ANKRD10: variants seen among roughly 807,000 people sequenced by gnomAD.
ANKRD10 encodes ankyrin repeat domain 10, also known as ankyrin repeat domain-containing protein 10.
A neutral mutation model predicts 27.0 loss-of-function variants in ANKRD10; 14 were observed. That is an observed-to-expected ratio of 0.52 (90% CI 0.34 to 0.81). ANKRD10 has a LOEUF of 0.81. ANKRD10 is among the 40% of genes least tolerant of loss of function. The pLI is 0.01. For synonymous variants in ANKRD10, 250 were observed against 224.5 expected (o/e 1.11, Z -1.01); for missense variants, 493 against 544.0 (o/e 0.91, Z 0.93).
At chr13:110,905,747 AAAGTAATGATGCC>A (rs1211511448) in intron 3 of ANKRD10, among the ~76,000 whole-genome samples, 1 of 152,214 alleles carries the variant, frequency 6.6e-6, no homozygotes, top group Non-Finnish European at 1.5e-5. Flanking sequence ...TAATGGTGGC[AAAGTAATGATGCC>A]AAGTTCCAAA....
intron 4 of ANKRD10, among the ~76,000 whole-genome samples, chr13:110,884,904 C>A (rs1419202834): frequency 2.6e-5 from 4 of 151,996 alleles, no homozygotes; most frequent in African/African-American, 9.7e-5. Flanking sequence ...TAGAGGCCCA[C>A]GAGTCATTTT....
At chr13:110,905,767 C>G (rs1308666569) in intron 3 of ANKRD10, among the ~76,000 whole-genome samples, 1 of 152,116 alleles carries the variant, frequency 6.6e-6, no homozygotes, top group Admixed American at 6.5e-5. Flanking sequence ...TGCCAAGTTC[C>G]AAATCTAATT....
intron 2 of ANKRD10, among the ~76,000 whole-genome samples, chr13:110,909,679 G>A (rs571259141): frequency 6.6e-6 from 1 of 152,242 alleles, no homozygotes; most frequent in Middle Eastern, 3.4e-3. Flanking sequence ...TTTAAATCAT[G>A]GCTAAAAACA....
intron 3 of ANKRD10, among the ~76,000 whole-genome samples, chr13:110,901,617 A>G (rs535418095): frequency 4.5e-4 from 68 of 152,352 alleles, no homozygotes; most frequent in African/African-American, 1.4e-3. Context: ...GTCTAGAATG[A>G]TATCAACCCA....
At chr13:110,893,313 G>T (rs1355969433) in intron 3 of ANKRD10, 50 bp from the exon 4 acceptor site, 2 of 1,569,704 alleles carry the variant, frequency 1.3e-6, no homozygotes. Context: ...TGCTAACCTG[G>T]TCTCTGCTCC....
intron 1 of ANKRD10, 131 bp downstream of exon 1, chr13:110,914,594 C>A: frequency 7.3e-7 from 1 of 1,369,480 alleles, no homozygotes; most frequent in Non-Finnish European, 9.6e-7. Flanking sequence ...CCCCTCGGGG[C>A]ACAGGCGCCG....
chr13:110,880,268 G>A (rs1186351905), intron 5 of ANKRD10, among the ~76,000 whole-genome samples, 156 bp from the exon 6 acceptor site: 1 of 151,996 alleles, frequency 6.6e-6, no homozygotes, highest in African/African-American at 2.4e-5. Flanking sequence ...ATGTGCATAA[G>A]TAGACTTACT....
intron 3 of ANKRD10, 136 bp downstream of exon 3, chr13:110,905,897 A>T: frequency 1.3e-6 from 1 of 741,674 alleles, no homozygotes; most frequent in Non-Finnish European, 2.1e-6. Context: ...ACTAACACCA[A>T]CTGTTCTAAA....
rs559158891 is a variant in ANKRD10, at chr13:110,903,186, G to A, written c.455+2847C>T. On this transcript the variant is annotated intron_variant, in intron 3 of 5. Transcript: ENST00000267339. Reference sequence around the variant, plus strand: ...AAGCAAGCAGCACTCAAATATTGGGGGCAGTGGAAAAATGGAACTACCATA... The same window carrying A: ...AAGCAAGCAGCACTCAAATATTGGGAGCAGTGGAAAAATGGAACTACCATA... Among the ~76,000 whole-genome samples, 173 of 152,242 alleles carry A rather than the reference G, an allele frequency of 1.1e-3. 1 individual carries two copies. Among genetic ancestry groups the A allele is most frequent in the African/African-American group, 4.0e-3 (166 of 41,544 alleles).
intron 5 of ANKRD10, among the ~76,000 whole-genome samples, chr13:110,882,302 T>C (rs772567452): frequency 7.9e-5 from 12 of 152,252 alleles, no homozygotes; most frequent in Non-Finnish European, 1.6e-4. Context: ...ACTTTTGGTC[T>C]GATTCTCAAA....
intron 5 of ANKRD10, 103 bp downstream of exon 5, chr13:110,883,595 T>C (rs2064858774): frequency 6.4e-7 from 1 of 1,550,938 alleles, no homozygotes; most frequent in African/African-American, 1.4e-5. Context: ...TGACACAGTA[T>C]ATATTTCTAT....
intron 4 of ANKRD10, among the ~76,000 whole-genome samples, chr13:110,889,676 C>G (rs1271641041): frequency 6.6e-6 from 1 of 152,190 alleles, no homozygotes; most frequent in Non-Finnish European, 1.5e-5. Context: ...GAATGGTTAA[C>G]ATTCAGACTC....
In ANKRD10 at chr13:110,878,548, A is replaced by G. The variant is rs1396968688; in HGVS notation, c.*1089T>C. 6.6e-6 allele frequency: 1 copy of G among 152,244 alleles called. No homozygotes were observed. Among genetic ancestry groups the G allele is most frequent in the East Asian group, 1.9e-4 (1 of 5,202 alleles). The allele number at this position is 152,244 out of a possible 1,614,324, so 9.4% of individuals were successfully genotyped here. ...AAACCCCAGGGACACACTGAGTGTG[A>G]GAGTTTTTTATTCAATTTGTGAAGG... is the stretch of plus-strand genomic sequence containing the variant. On this transcript the variant is annotated 3_prime_UTR_variant, in exon 6 of 6. Transcript: ENST00000267339.
At chr13:110,895,533 G>A (rs2065204027) in intron 3 of ANKRD10, among the ~76,000 whole-genome samples, 1 of 150,920 alleles carries the variant, frequency 6.6e-6, no homozygotes, top group South Asian at 2.1e-4. Context: ...GCTGCAGTGA[G>A]CCGAGATCAC....
chr13:110,901,904 A>C (rs533633786), intron 3 of ANKRD10, among the ~76,000 whole-genome samples: 1 of 152,254 alleles, frequency 6.6e-6, no homozygotes, highest in South Asian at 2.1e-4. Context: ...TTAGTTGGGC[A>C]TGGTGGTATG....
chr13:110,884,742 T>C (rs998539913), intron 4 of ANKRD10, among the ~76,000 whole-genome samples: 1 of 152,228 alleles, frequency 6.6e-6, no homozygotes, highest in Non-Finnish European at 1.5e-5. Flanking sequence ...TGCATTTTTA[T>C]GTGTATTTCT....
intron 1 of ANKRD10, 103 bp from the exon 2 acceptor site, chr13:110,910,873 T>C (rs939785152): frequency 6.4e-6 from 8 of 1,241,682 alleles, no homozygotes; most frequent in African/African-American, 1.5e-5. Context: ...ATGGCATTGT[T>C]ACCAGTTTTT....
Position 110,893,016 on chromosome 13 carries a change from A to G in ANKRD10, c.691+12T>C, listed in dbSNP as rs1214697279. 1.2e-6 allele frequency: 2 copies of G among 1,612,880 alleles called. No individual in the cohort carries two copies. Among genetic ancestry groups the G allele is most frequent in the African/African-American group, 1.3e-5 (1 of 74,788 alleles). ...AATAAGTGTGCTCTTCCCACCCGCAAAGCGGTCTCACCTTCAGTTCTAGCT... is the reference window on the plus strand; with the variant it reads ...AATAAGTGTGCTCTTCCCACCCGCAGAGCGGTCTCACCTTCAGTTCTAGCT... On this transcript the variant is annotated intron_variant, in intron 4 of 5. Coordinates refer to ENST00000267339, the MANE Select transcript of ANKRD10 (RefSeq NM_017664.4).
At chr13:110,890,161 C>T (rs1439383846) in intron 4 of ANKRD10, among the ~76,000 whole-genome samples, 7 of 152,008 alleles carry the variant, frequency 4.6e-5, no homozygotes, top group East Asian at 1.9e-4. Context: ...GAAATTACAA[C>T]GAAAACTAAA....
Sources: allele counts gnomAD v4.1 joint callset (sites outside exome capture counted in the v4.1 genomes callset), GRCh38; gene constraint gnomAD v4.1.1; transcripts MANE v1.5; gene names NCBI Gene and HGNC (gene_info 2026-07-23, HGNC 2026-07-21).